Variants in HIPK2 observed in about 807,000 individuals in gnomAD.
HIPK2 encodes homeodomain interacting protein kinase 2, also known as homeodomain-interacting protein kinase 2.
HIPK2 carries 27 observed loss-of-function variants against 113.7 expected under a neutral mutation model. That is an observed-to-expected ratio of 0.24 (90% CI 0.17 to 0.33). HIPK2 has a LOEUF of 0.33. HIPK2 is among the 10% of genes least tolerant of loss of function. The pLI is 1.00. For synonymous variants in HIPK2, 631 were observed against 642.2 expected (o/e 0.98, Z 0.26); for missense variants, 1,257 against 1,588.0 (o/e 0.79, Z 3.54).
intron 13 of HIPK2, among the ~76,000 whole-genome samples, chr7:139,575,987 T>C (rs1212189967): frequency 6.6e-6 from 1 of 152,242 alleles, no homozygotes; most frequent in East Asian, 1.9e-4. Context: ...CTATTGATTA[T>C]AAATTACCCA....
chr7:139,648,535 G>A (rs1238072891), intron 2 of HIPK2, among the ~76,000 whole-genome samples: 2 of 152,180 alleles, frequency 1.3e-5, no homozygotes, highest in Non-Finnish European at 2.9e-5. Flanking sequence ...CCCCAGCCTT[G>A]TTACTTTATC....
intron 2 of HIPK2, among the ~76,000 whole-genome samples, chr7:139,657,386 T>C (rs1346531071): frequency 6.6e-6 from 1 of 152,202 alleles, no homozygotes; most frequent in Non-Finnish European, 1.5e-5. Flanking sequence ...CAAATGTTCC[T>C]TCAGACCTCG....
At chr7:139,642,310 A>C (rs1444424677) in intron 2 of HIPK2, among the ~76,000 whole-genome samples, 2 of 152,142 alleles carry the variant, frequency 1.3e-5, no homozygotes, top group Non-Finnish European at 2.9e-5. Flanking sequence ...GAGGCGAGGG[A>C]TTACAGTGAA....
intron 14 of HIPK2, among the ~76,000 whole-genome samples, chr7:139,573,640 G>C (rs996592772): frequency 4.6e-5 from 7 of 152,174 alleles, no homozygotes; most frequent in African/African-American, 1.2e-4. Flanking sequence ...TCTAGAGTTC[G>C]AGACCAGCCT....
chr7:139,578,125 T>C (rs1317103343), intron 13 of HIPK2, among the ~76,000 whole-genome samples: 1 of 152,162 alleles, frequency 6.6e-6, no homozygotes, highest in Non-Finnish European at 1.5e-5. Flanking sequence ...TTCTCCTGCC[T>C]CAGCCTCCCG....
intron 5 of HIPK2, among the ~76,000 whole-genome samples, chr7:139,627,392 A>T (rs1480744425): frequency 6.6e-6 from 1 of 152,116 alleles, no homozygotes; most frequent in Non-Finnish European, 1.5e-5. Context: ...CCCGTCCTCC[A>T]CCTACAGCAT....
At chr7:139,607,326 A>C (rs1799654753) in intron 9 of HIPK2, among the ~76,000 whole-genome samples, 1 of 152,140 alleles carries the variant, frequency 6.6e-6, no homozygotes, top group Non-Finnish European at 1.5e-5. Flanking sequence ...CAAAGGAAAA[A>C]AAAAATCCAG....
intron 1 of HIPK2, among the ~76,000 whole-genome samples, chr7:139,750,575 T>C (rs1796263266): frequency 6.6e-6 from 1 of 152,232 alleles, no homozygotes; most frequent in Non-Finnish European, 1.5e-5. Flanking sequence ...TGCTGAGTGT[T>C]TTGGGTCTTT....
intron 13 of HIPK2, among the ~76,000 whole-genome samples, chr7:139,576,835 G>A (rs1798509000): frequency 6.6e-6 from 1 of 152,232 alleles, no homozygotes; most frequent in South Asian, 2.1e-4. Context: ...AGCCCCAGAG[G>A]GCGGGAGCTC....
At chr7:139,736,786 C>A (rs190499429) in intron 1 of HIPK2, among the ~76,000 whole-genome samples, 1 of 152,346 alleles carries the variant, frequency 6.6e-6, no homozygotes. Flanking sequence ...TAGGGTGCCT[C>A]ATGTTACGCA....
intron 2 of HIPK2, among the ~76,000 whole-genome samples, chr7:139,706,728 G>T (rs778127694): frequency 6.6e-6 from 1 of 152,214 alleles, no homozygotes; most frequent in East Asian, 1.9e-4. Flanking sequence ...AACGTTTAGA[G>T]CTCAACTGTG....
Position 139,701,374 on chromosome 7 carries a change from C to T in HIPK2, c.1103+14558G>A, listed in dbSNP as rs1056615442. Among the ~76,000 whole-genome samples the T allele has an allele frequency of 3.9e-3, 588 of 152,308 alleles. 7 individuals are homozygous for T. The highest frequency in any genetic ancestry group is 0.01 in the African/African-American group (420 of 41,570). ...TTTATAGTCTCGGCTAACTGCAGGACGTGAAGAGGCTGTGAGGCTAGACAT... is the reference window on the plus strand; with the variant it reads ...TTTATAGTCTCGGCTAACTGCAGGATGTGAAGAGGCTGTGAGGCTAGACAT... On this transcript the variant is annotated intron_variant, in intron 2 of 14. Coordinates refer to ENST00000406875, the MANE Select transcript of HIPK2 (RefSeq NM_022740.5).
intron 1 of HIPK2, among the ~76,000 whole-genome samples, chr7:139,755,692 C>T (rs1316022203): frequency 2.0e-5 from 3 of 152,312 alleles, no homozygotes; most frequent in Admixed American, 6.5e-5. Flanking sequence ...TGCCAGTCTC[C>T]GGCAGTCCCT....
At position 139,721,794 on chromosome 7, in the gene HIPK2, A is replaced by C. The variant is rs911976190; in HGVS notation, c.20-4779T>G. 2.0e-5 allele frequency among the ~76,000 whole-genome samples: 3 copies of C among 152,314 alleles called. 1 individual carries two copies. The highest frequency in any genetic ancestry group is 7.2e-5 in the African/African-American group (3 of 41,572). ...ACTTGGGAGGGCAAGTTTCGAGCCC[A>C]TGGGGAGCAGTAAGAGGAACCCAGG... On this transcript the variant is annotated intron_variant, in intron 1 of 14. Coordinates refer to ENST00000406875, the MANE Select transcript of HIPK2 (RefSeq NM_022740.5).
intron 2 of HIPK2, among the ~76,000 whole-genome samples, chr7:139,707,856 G>A (rs528571338): frequency 1.3e-5 from 2 of 152,260 alleles, no homozygotes; most frequent in African/African-American, 2.4e-5. Flanking sequence ...AGGAAGGCAC[G>A]TTCATGTCTC....
In HIPK2 at chr7:139,567,774, T is replaced by G. The variant is rs568353463; in HGVS notation, c.*5153A>C. On this transcript the variant is annotated 3_prime_UTR_variant, in exon 15 of 15. Transcript: ENST00000406875. ...AGAAGGAACCCTTACCTCTCCTCAATTCTCTCTGCTAGTTGAGAGCACCGA... is the reference window on the plus strand; with the variant it reads ...AGAAGGAACCCTTACCTCTCCTCAAGTCTCTCTGCTAGTTGAGAGCACCGA... 4 of 152,374 alleles carry G rather than the reference T, an allele frequency of 2.6e-5. No homozygotes were observed. The highest frequency in any genetic ancestry group is 5.9e-5 in the Non-Finnish European group (4 of 68,100). 9.4% of individuals were successfully genotyped at this position (152,374 alleles called of 1,614,324 possible).
intron 1 of HIPK2, among the ~76,000 whole-genome samples, chr7:139,741,840 C>G (rs1002303814): frequency 6.6e-6 from 1 of 152,192 alleles, no homozygotes; most frequent in African/African-American, 2.4e-5. Context: ...ATAAGTGGCA[C>G]AGAACCTGGT....
intron 1 of HIPK2, among the ~76,000 whole-genome samples, chr7:139,775,720 C>A (rs1193718472): frequency 2.6e-5 from 4 of 152,080 alleles, no homozygotes. Flanking sequence ...CTTTATCTGG[C>A]GTAAGGAACT....
chr7:139,748,577 C>T lies in HIPK2; in HGVS notation c.19+29028G>A, dbSNP rs537441159. 3.9e-5 allele frequency among the ~76,000 whole-genome samples: 6 copies of T among 152,104 alleles called. 1 individual carries two copies. In the South Asian group the frequency reaches 8.3e-4, roughly 21 times the overall value. On this transcript the variant is annotated intron_variant, in intron 1 of 14. Transcript: ENST00000406875. ...TGCCTATTAACCCAGTCTCTGCTTT[C>T]GTGCTCATGAGCCATGGTCCCTGTG...
Sources: allele counts gnomAD v4.1 joint callset (sites outside exome capture counted in the v4.1 genomes callset), GRCh38; gene constraint gnomAD v4.1.1; transcripts MANE v1.5; gene names NCBI Gene and HGNC (gene_info 2026-07-23, HGNC 2026-07-21).